Variants in TSPAN14 observed in about 807,000 individuals in gnomAD.
The protein encoded by TSPAN14 is tetraspanin 14.
Under a neutral mutation model 36.6 loss-of-function variants are expected in TSPAN14, and 16 were observed. The ratio of observed to expected loss-of-function variants is 0.44; its 90% confidence interval spans 0.30 to 0.66. The LOEUF is 0.66. Among genes scored for constraint, TSPAN14 ranks in the 30% least tolerant of loss-of-function variants. The pLI is 0.12. For missense variants in TSPAN14, 231 were observed against 355.1 expected (o/e 0.65, Z 2.81); for synonymous variants, 139 against 143.8 (o/e 0.97, Z 0.24).
rs1014542910 is a variant in TSPAN14, at chr10:80,487,979, C to T, written c.-17-1238C>T. On this transcript the variant is annotated intron_variant, in intron 1 of 8. Coordinates refer to ENST00000429989, the Ensembl canonical transcript of TSPAN14. ...AGAACATTGCAGACCAGCAGCCAGC[C>T]TGCCGTGGCTGCCTCACAGGAAGGG... Among the ~76,000 whole-genome samples, 18 of 152,324 alleles carry T rather than the reference C, an allele frequency of 1.2e-4. 1 individual carries two copies. Among genetic ancestry groups the T allele is most frequent in the Admixed American group, 1.1e-3 (17 of 15,308 alleles).
At chr10:80,504,742 C>T in exon 3 of TSPAN14, 1 of 1,614,178 alleles carries the variant, frequency 6.2e-7, no homozygotes, top group Non-Finnish European at 8.5e-7. Flanking sequence ...CTGGAGTTGT[C>T]TTCCTTGGAG....
intron 1 of TSPAN14, among the ~76,000 whole-genome samples, chr10:80,473,684 G>GGTT (rs1589247705): frequency 7.2e-6 from 1 of 139,096 alleles, no homozygotes; most frequent in East Asian, 2.0e-4. Context: ...CACCATGATG[G>GGTT]GTTTTTTTTT....
At chr10:80,512,096 A>G (rs1214435136) in intron 5 of TSPAN14, 48 bp from the exon 6 acceptor site, 13 of 1,613,090 alleles carry the variant, frequency 8.1e-6, no homozygotes, top group Non-Finnish European at 1.1e-5. Context: ...CTGGGCAGCC[A>G]TGGCCCTGTC....
chr10:80,463,802 G>T (rs938552370), intron 1 of TSPAN14, among the ~76,000 whole-genome samples: 2 of 152,242 alleles, frequency 1.3e-5, no homozygotes, highest in Non-Finnish European at 2.9e-5. Context: ...CCGAAAGGGG[G>T]AATGAAAGTT....
intron 1 of TSPAN14, among the ~76,000 whole-genome samples, chr10:80,464,727 A>G (rs1449282754): frequency 2.6e-5 from 4 of 152,174 alleles, no homozygotes; most frequent in African/African-American, 7.2e-5. Flanking sequence ...TTGGTAGCAC[A>G]GAGGTTTCTA....
chr10:80,498,294 C>T (rs946705686), intron 2 of TSPAN14, among the ~76,000 whole-genome samples: 1 of 152,186 alleles, frequency 6.6e-6, no homozygotes, highest in East Asian at 1.9e-4. Flanking sequence ...TGGCAAAACT[C>T]AGCCAGTGGG....
chr10:80,473,701 TA>T (rs34628710), intron 1 of TSPAN14, among the ~76,000 whole-genome samples: 35,727 of 142,454 alleles, frequency 0.25, 4,796 homozygotes, highest in South Asian at 0.33. Context: ...TTTTTTTTTT[TA>T]AATTAAAGTT....
At chr10:80,497,383 C>A (rs1195464537) in intron 2 of TSPAN14, among the ~76,000 whole-genome samples, 1 of 152,162 alleles carries the variant, frequency 6.6e-6, no homozygotes, top group Admixed American at 6.5e-5. Flanking sequence ...CCTGGCCTTC[C>A]GCCTGTTTTT....
At chr10:80,458,238 GAGGTGACTGA>G (rs5786458) in intron 1 of TSPAN14, among the ~76,000 whole-genome samples, 88,052 of 151,538 alleles carry the variant, frequency 0.58, 25,771 homozygotes, top group East Asian at 0.85. Flanking sequence ...CAGTGGTAGC[GAGGTGACTGA>G]AGGTGGACTC....
chr10:80,521,693 C>T (rs1268995361), exon 9 of TSPAN14: 3 of 152,072 alleles, frequency 2.0e-5, no homozygotes, highest in Non-Finnish European at 4.4e-5. Flanking sequence ...TTGGCCAATT[C>T]CTGTTCAAGG....
chr10:80,479,725 G>A (rs1378805614), intron 1 of TSPAN14, among the ~76,000 whole-genome samples: 38 of 151,716 alleles, frequency 2.5e-4, no homozygotes, highest in Non-Finnish European at 2.8e-4. Flanking sequence ...GTCAGGTAGC[G>A]TGATGCCTCC....
exon 9 of TSPAN14, chr10:80,520,985 G>A: frequency 2.5e-6 from 1 of 399,582 alleles, no homozygotes; most frequent in South Asian, 1.9e-5. Flanking sequence ...AGGGCTGTGG[G>A]CTGGGCTGAA....
intron 1 of TSPAN14, among the ~76,000 whole-genome samples, chr10:80,483,252 T>C (rs1439863755): frequency 6.6e-6 from 1 of 152,186 alleles, no homozygotes; most frequent in Non-Finnish European, 1.5e-5. Context: ...GGCCCCATTT[T>C]CATTTATAAT....
At chr10:80,489,396 C>CTTACATAGTGTCTGGCAA in intron 2 of TSPAN14, 82 bp downstream of exon 2, 1 of 1,010,110 alleles carries the variant, frequency 9.9e-7, no homozygotes, top group Non-Finnish European at 1.5e-6. Flanking sequence ...CTTGATTTGC[C>CTTACATAGTGTCTGGCAA]AGACACTATG....
chr10:80,516,458 G>C, intron 8 of TSPAN14, 135 bp downstream of exon 8: 1 of 1,302,242 alleles, frequency 7.7e-7, no homozygotes, highest in Non-Finnish European at 1.1e-6. Context: ...GATTCAACTG[G>C]ATGTCCAAGG....
At chr10:80,501,311 G>C (rs1451167582) in intron 2 of TSPAN14, among the ~76,000 whole-genome samples, 1 of 129,352 alleles carries the variant, frequency 7.7e-6, no homozygotes, top group African/African-American at 3.0e-5. Context: ...TTTTTTAAGA[G>C]ATGGGGGTCT....
At chr10:80,471,105 T>C (rs1418606895) in intron 1 of TSPAN14, among the ~76,000 whole-genome samples, 1 of 152,062 alleles carries the variant, frequency 6.6e-6, no homozygotes, top group African/African-American at 2.4e-5. Flanking sequence ...CAGCACCTAC[T>C]TGACTGCACT....
At position 80,507,399 on chromosome 10, in the gene TSPAN14, G is replaced by A. The variant is rs1289238866; in HGVS notation, c.279+25G>A. ...TGTGAGTGGCCACAGAGACAAGAGT[G>A]GGATAGGATGCAATGGGGTACAGGC... On this transcript the variant is annotated intron_variant, in intron 4 of 8. Transcript: ENST00000429989. 3 of 1,613,962 alleles carry A rather than the reference G, an allele frequency of 1.9e-6. No individual in the cohort carries two copies. In the African/African-American group the frequency reaches 4.0e-5, roughly 22 times the overall value.
chr10:80,509,604 G>A lies in TSPAN14; in HGVS notation c.450+133G>A. ...GCTTGGCAGACAGCAGGGAGGCCGTGGAACAAGCCACTCCACCTCTGGTCT... is the reference window on the plus strand; with the variant it reads ...GCTTGGCAGACAGCAGGGAGGCCGTAGAACAAGCCACTCCACCTCTGGTCT... On this transcript the variant is annotated intron_variant, in intron 5 of 8. Coordinates refer to ENST00000429989, the Ensembl canonical transcript of TSPAN14. This position sits in a 1 kb window ranked among gnomAD's most constrained non-coding sequence, Gnocchi z 4.7. 1 of 908,996 alleles carries A rather than the reference G, an allele frequency of 1.1e-6. No individual in the cohort carries two copies. The highest frequency in any genetic ancestry group is 1.6e-6 in the Non-Finnish European group (1 of 612,348). 56.3% of individuals were successfully genotyped at this position (908,996 alleles called of 1,614,324 possible). A position where few individuals can be genotyped will look rare whatever the true frequency, so the allele number is the denominator to read the frequency against.
Sources: allele counts gnomAD v4.1 joint callset (sites outside exome capture counted in the v4.1 genomes callset), GRCh38; gene constraint gnomAD v4.1.1; non-coding constraint Gnocchi (gnomAD v3.1); transcripts MANE v1.5; gene names NCBI Gene and HGNC (gene_info 2026-07-23, HGNC 2026-07-21).